The following EYS variants were observed in gnomAD, a reference collection of about 807,000 sequenced individuals.
The protein encoded by EYS is protein eyes shut homolog.
EYS carries 250 observed loss-of-function variants against 282.1 expected under a neutral mutation model. The observed-to-expected ratio is 0.89, with a 90% confidence interval of 0.80 to 0.98. EYS has a LOEUF of 0.98. Among genes scored for constraint, EYS ranks in the 50% least tolerant of loss-of-function variants. The probability of loss-of-function intolerance (pLI) is 0.00; values close to 1 mark genes in which losing one functional copy is unlikely to be tolerated. For synonymous variants in EYS, 1,355 were observed against 1,282.9 expected (o/e 1.06, Z -1.20); for missense variants, 4,016 against 3,709.0 (o/e 1.08, Z -2.15).
chr6:65,292,257 T>C (rs1416716264), intron 12 of EYS, among the ~76,000 whole-genome samples: 2 of 151,742 alleles, frequency 1.3e-5, no homozygotes, highest in African/African-American at 2.4e-5. Context: ...TATTTGTGCA[T>C]TGGTGTTTTT....
Position 63,842,072 on chromosome 6 carries a change from C to T in EYS, c.7228+22114G>A, listed in dbSNP as rs149978820. 8.3e-3 allele frequency among the ~76,000 whole-genome samples: 1,267 copies of T among 152,200 alleles called. 16 individuals are homozygous for T. Among genetic ancestry groups the T allele is most frequent in the African/African-American group, 0.028 (1,158 of 41,528 alleles). On this transcript the variant is annotated intron_variant, in intron 36 of 42. Transcript: ENST00000503581. ...GAATAGTGCTGAAACAGTAAACATACGTGTGCATGTGTCTTTATAGTAGAA... is the reference window on the plus strand; with the variant it reads ...GAATAGTGCTGAAACAGTAAACATATGTGTGCATGTGTCTTTATAGTAGAA...
chr6:63,820,062 A>G (rs1346371888), intron 36 of EYS, among the ~76,000 whole-genome samples: 3 of 152,234 alleles, frequency 2.0e-5, no homozygotes, highest in African/African-American at 4.8e-5. Flanking sequence ...ATTTCCACAT[A>G]CTGTCAGATT....
intron 4 of EYS, among the ~76,000 whole-genome samples, chr6:65,493,511 C>T (rs1008111005): frequency 4.6e-5 from 7 of 152,068 alleles, no homozygotes; most frequent in African/African-American, 1.7e-4. Context: ...TCTGTCAAAC[C>T]CTCAAATAAA....
intron 31 of EYS, among the ~76,000 whole-genome samples, chr6:64,095,104 C>G (rs1466700574): frequency 6.6e-6 from 1 of 152,154 alleles, no homozygotes; most frequent in African/African-American, 2.4e-5. Context: ...TTTGATTGCA[C>G]TGTGGTCTGA....
chr6:63,863,303 A>T (rs143018814), intron 36 of EYS, among the ~76,000 whole-genome samples: 20 of 152,216 alleles, frequency 1.3e-4, no homozygotes, highest in African/African-American at 4.8e-4. Flanking sequence ...TTCTTAGGCA[A>T]TTTTTTTCTT....
chr6:65,290,814 CTTCTAT>C (rs1336575766), intron 12 of EYS, among the ~76,000 whole-genome samples: 2 of 151,254 alleles, frequency 1.3e-5, no homozygotes, highest in Non-Finnish European at 3.0e-5. Flanking sequence ...ATTACTTCCC[CTTCTAT>C]TTCTATTTAA....
At chr6:64,002,187 A>G (rs1768128283) in intron 33 of EYS, among the ~76,000 whole-genome samples, 1 of 152,200 alleles carries the variant, frequency 6.6e-6, no homozygotes, top group Non-Finnish European at 1.5e-5. Context: ...GGGGGCTGTC[A>G]GAGAAGAGTC....
intron 22 of EYS, among the ~76,000 whole-genome samples, chr6:64,768,868 A>G (rs1356118145): frequency 6.6e-6 from 1 of 152,118 alleles, no homozygotes; most frequent in Non-Finnish European, 1.5e-5. Context: ...TGAAGGCAGC[A>G]GGAGATCATG....
intron 29 of EYS, among the ~76,000 whole-genome samples, chr6:64,346,291 T>G (rs1181974802): frequency 6.6e-6 from 1 of 152,054 alleles, no homozygotes. Flanking sequence ...AGCAAAGACT[T>G]GGAACCAACC....
At chr6:64,943,807 T>C (rs1769182017) in intron 15 of EYS, among the ~76,000 whole-genome samples, 1 of 151,972 alleles carries the variant, frequency 6.6e-6, no homozygotes, top group South Asian at 2.1e-4. Context: ...ATTCAACGTA[T>C]CAACCTACGA....
intron 28 of EYS, among the ~76,000 whole-genome samples, chr6:64,402,314 C>G (rs78681044): frequency 0.025 from 3,741 of 152,200 alleles, 145 homozygotes; most frequent in African/African-American, 0.085. Context: ...AAAATAACCT[C>G]TCAATTGGCA....
At chr6:64,777,611 C>T (rs1234221147) in intron 22 of EYS, among the ~76,000 whole-genome samples, 4 of 152,150 alleles carry the variant, frequency 2.6e-5, no homozygotes, top group Non-Finnish European at 2.9e-5. Context: ...AAAGTTGTTA[C>T]TTCTAAATAA....
intron 31 of EYS, among the ~76,000 whole-genome samples, chr6:64,202,254 C>T (rs142570355): frequency 1.1e-3 from 170 of 152,200 alleles, no homozygotes; most frequent in African/African-American, 3.8e-3. Flanking sequence ...GAGAGGGAGA[C>T]CAAACTCAAG....
chr6:63,796,475 T>TC (rs949172159), intron 37 of EYS, among the ~76,000 whole-genome samples: 4 of 152,192 alleles, frequency 2.6e-5, no homozygotes, highest in Admixed American at 2.0e-4. Context: ...ATTCAGATGA[T>TC]CCAACAGTCT....
chr6:65,237,686 G>A (rs1766962403), intron 12 of EYS, among the ~76,000 whole-genome samples: 1 of 152,070 alleles, frequency 6.6e-6, no homozygotes, highest in Non-Finnish European at 1.5e-5. Flanking sequence ...GATAAATAAT[G>A]GTATGTCCAT....
At position 63,843,527 on chromosome 6, in the gene EYS, A is replaced by G. The variant is rs114206695; in HGVS notation, c.7228+20659T>C. Among the ~76,000 whole-genome samples the G allele has an allele frequency of 3.6e-3, 552 of 152,262 alleles. 5 individuals carry two copies. The highest frequency in any genetic ancestry group is 0.013 in the African/African-American group (520 of 41,558). Reference sequence around the variant, plus strand: ...GCTTATTATCTCAATAGACGCAGAAAAGATCTTCAATAAAATTCCAACACT... The same window carrying G: ...GCTTATTATCTCAATAGACGCAGAAGAGATCTTCAATAAAATTCCAACACT... On this transcript the variant is annotated intron_variant, in intron 36 of 42. Transcript: ENST00000503581.
At chr6:65,088,944 A>T (rs531656405) in intron 12 of EYS, among the ~76,000 whole-genome samples, 4 of 152,184 alleles carry the variant, frequency 2.6e-5, no homozygotes, top group Admixed American at 6.5e-5. Flanking sequence ...CAGAGGGTGC[A>T]GGCCACAGGC....
chr6:65,677,866 T>A (rs1407691660), intron 1 of EYS, among the ~76,000 whole-genome samples: 1 of 151,986 alleles, frequency 6.6e-6, no homozygotes, highest in Admixed American at 6.6e-5. Flanking sequence ...GAAACAAGTT[T>A]GAGGGTGCAG....
intron 19 of EYS, among the ~76,000 whole-genome samples, chr6:64,827,232 A>C (rs1037002372): frequency 6.6e-6 from 1 of 151,806 alleles, no homozygotes; most frequent in African/African-American, 2.4e-5. Flanking sequence ...CTGAAATGTC[A>C]TTTCCACATC....
Sources: gnomAD v4.1 joint callset for allele counts (sites outside exome capture counted in the v4.1 genomes callset) on GRCh38, gnomAD v4.1.1 for gene constraint, MANE v1.5 for transcripts, NCBI Gene and HGNC (gene_info 2026-07-23, HGNC 2026-07-21) for gene names.